UPRT: variants seen among roughly 807,000 people sequenced by gnomAD.
UPRT encodes the protein RP11-311P8.3.
A neutral mutation model predicts 22.6 loss-of-function variants in UPRT; 5 were observed. That is an observed-to-expected ratio of 0.22 (90% CI 0.12 to 0.47). The LOEUF (loss-of-function observed/expected upper bound fraction) is 0.47. UPRT is among the 20% of genes least tolerant of loss of function. UPRT has a pLI of 0.99. For synonymous variants in UPRT, 77 were observed against 87.7 expected (o/e 0.88, Z 0.68); for missense variants, 181 against 239.9 (o/e 0.75, Z 1.62).
intron 4 of UPRT, among the ~76,000 whole-genome samples, chrX:75,265,707 G>A (rs1295006862): frequency 8.9e-6 from 1 of 111,863 alleles, no homozygotes; most frequent in Non-Finnish European, 1.9e-5. Flanking sequence ...GTCCAGCTTT[G>A]TTCTGTTGCT....
rs140332219 is a variant in UPRT, at chrX:75,171,153, C to A, written c.-447+3274C>A. Among the ~76,000 whole-genome samples, 288 of 111,492 alleles carry A rather than the reference C, an allele frequency of 2.6e-3. 6 individuals are homozygous for A. Among genetic ancestry groups the A allele is most frequent in the African/African-American group, 9.1e-3 (280 of 30,776 alleles). ...GCTAGGGAAGTTTTCCTCAATTATT[C>A]CCCCAAATATGTTTTTCAGACTTTT... On this transcript the variant is annotated intron_variant, in intron 4 of 13. Transcript: ENST00000652605.
upstream of UPRT, among the ~76,000 whole-genome samples, chrX:75,272,360 G>GTA (rs202123958): frequency 1.4e-4 from 11 of 81,321 alleles, no homozygotes; most frequent in African/African-American, 5.1e-4. Context: ...ATATATATGT[G>GTA]TATATATATA....
intron 2 of UPRT, among the ~76,000 whole-genome samples, chrX:75,161,549 C>A (rs1206636389): frequency 2.7e-5 from 3 of 112,031 alleles, no homozygotes; most frequent in African/African-American, 9.7e-5. Context: ...AAAATAATAT[C>A]TTAATCCTCA....
intron 4 of UPRT, among the ~76,000 whole-genome samples, chrX:75,169,912 T>A (rs1321964772): frequency 8.9e-6 from 1 of 111,815 alleles, no homozygotes; most frequent in East Asian, 2.8e-4. Flanking sequence ...ATCTCATTTC[T>A]TAGGTCTAGT....
At chrX:75,219,976 G>T (rs2082404982) in intron 4 of UPRT, among the ~76,000 whole-genome samples, 1 of 111,207 alleles carries the variant, frequency 9.0e-6, no homozygotes, top group Admixed American at 9.6e-5. Context: ...TTGATTTTCA[G>T]CCTGGATGAT....
chrX:75,241,446 G>A (rs755709766), intron 4 of UPRT, among the ~76,000 whole-genome samples: 2 of 111,654 alleles, frequency 1.8e-5, no homozygotes, highest in African/African-American at 6.5e-5. Context: ...TGGATGTGGT[G>A]AAAAGGGAAC....
chrX:75,197,910 G>A (rs2082337295), intron 4 of UPRT, among the ~76,000 whole-genome samples: 1 of 112,502 alleles, frequency 8.9e-6, no homozygotes, highest in Admixed American at 9.4e-5. Flanking sequence ...CAAGAACTTT[G>A]AAGTGAATTT....
intron 4 of UPRT, among the ~76,000 whole-genome samples, chrX:75,215,075 A>T (rs1051104493): frequency 2.7e-5 from 3 of 111,898 alleles, no homozygotes; most frequent in Non-Finnish European, 5.6e-5. Context: ...TCATGAATGT[A>T]TACTTATCTC....
intron 1 of UPRT, among the ~76,000 whole-genome samples, chrX:75,283,388 G>T (rs1017045317): frequency 5.4e-5 from 6 of 110,871 alleles, no homozygotes; most frequent in African/African-American, 2.0e-4. Context: ...TGTTATATAG[G>T]TCCTGCATGA....
chrX:75,233,371 T>C (rs2082446744), intron 4 of UPRT, among the ~76,000 whole-genome samples: 2 of 111,439 alleles, frequency 1.8e-5, no homozygotes, highest in South Asian at 3.8e-4. Flanking sequence ...TGCAGGATAT[T>C]CTCCATGAGA....
At chrX:75,233,850 A>G (rs1356914089) in intron 4 of UPRT, among the ~76,000 whole-genome samples, 3 of 111,294 alleles carry the variant, frequency 2.7e-5, no homozygotes, top group East Asian at 2.8e-4. Flanking sequence ...TGTAAAGACC[A>G]TCGAGACTAG....
chrX:75,280,184 G>C (rs1479386480), intron 1 of UPRT, among the ~76,000 whole-genome samples: 8 of 107,681 alleles, frequency 7.4e-5, no homozygotes, highest in Non-Finnish European at 1.1e-4. Flanking sequence ...TTAGTCCTTT[G>C]TCAGATGTAT....
chrX:75,260,196 T>A (rs1458518414), intron 4 of UPRT, among the ~76,000 whole-genome samples: 1 of 111,848 alleles, frequency 8.9e-6, no homozygotes, highest in African/African-American at 3.2e-5. Flanking sequence ...AAACTATCAA[T>A]TAATGGGCAA....
intron 4 of UPRT, among the ~76,000 whole-genome samples, chrX:75,191,207 T>A (rs1460650401): frequency 3.6e-5 from 4 of 112,564 alleles, no homozygotes. Context: ...ATCAGGACCC[T>A]TAGCTGCAGG....
chrX:75,230,145 C>T (rs2082433873), intron 4 of UPRT, among the ~76,000 whole-genome samples: 1 of 111,482 alleles, frequency 9.0e-6, no homozygotes, highest in Non-Finnish European at 1.9e-5. Flanking sequence ...CGGCTTTCCT[C>T]CACTTTCCTG....
intron 4 of UPRT, among the ~76,000 whole-genome samples, chrX:75,250,325 A>C (rs2082524339): frequency 9.1e-6 from 1 of 110,377 alleles, no homozygotes; most frequent in African/African-American, 3.3e-5. Flanking sequence ...AAGACTAATA[A>C]AGAAGAAAAG....
At chrX:75,166,669 G>A (rs1324155033) in intron 3 of UPRT, among the ~76,000 whole-genome samples, 1 of 111,530 alleles carries the variant, frequency 9.0e-6, no homozygotes, top group African/African-American at 3.3e-5. Context: ...TAAAATCTGA[G>A]CATATCCAAG....
upstream of UPRT, among the ~76,000 whole-genome samples, chrX:75,271,137 A>G (rs1378605983): frequency 1.8e-5 from 2 of 111,908 alleles, no homozygotes; most frequent in Non-Finnish European, 3.8e-5. Flanking sequence ...AAATACTAAT[A>G]TCATTCTTCA....
chrX:75,290,268 C>G (rs1184750903), intron 1 of UPRT, among the ~76,000 whole-genome samples: 1 of 111,568 alleles, frequency 9.0e-6, no homozygotes, highest in Non-Finnish European at 1.9e-5. Context: ...ATCTCACACC[C>G]GTTAGAATGG....
Sources: allele counts gnomAD v4.1 joint callset (sites outside exome capture counted in the v4.1 genomes callset), GRCh38; gene constraint gnomAD v4.1.1; transcripts MANE v1.5; gene names NCBI Gene and HGNC (gene_info 2026-07-23, HGNC 2026-07-21).